ROBO1: variants seen among roughly 807,000 people sequenced by gnomAD.
ROBO1 encodes the protein roundabout homolog 1.
A neutral mutation model predicts 195.9 loss-of-function variants in ROBO1; 149 were observed. The observed-to-expected ratio is 0.76, with a 90% CI of 0.67 to 0.87. ROBO1 has a LOEUF of 0.87. Among genes scored for constraint, ROBO1 ranks in the 40% least tolerant of loss-of-function variants. The pLI is 0.00. For missense variants in ROBO1, 1,933 were observed against 2,068.3 expected, an observed-to-expected ratio of 0.93 and a Z score of 1.27; for synonymous variants, 816 against 733.2, an observed-to-expected ratio of 1.11 and a Z score of -1.82.
At chr3:79,119,841 G>C (rs1435064903) in intron 3 of ROBO1, among the ~76,000 whole-genome samples, 1 of 151,700 alleles carries the variant, frequency 6.6e-6, no homozygotes, top group Admixed American at 6.6e-5. Context: ...CATGATCTCA[G>C]CTCACTACAA....
Position 78,800,249 on chromosome 3 carries a change from G to A in ROBO1, c.500-53349C>T, listed in dbSNP as rs115426706. ...TAGATTTAGAAAGCAGCCCAGAAACGAAAAAATAACAACAAGATAACTAAG... is the reference window on the plus strand; with the variant it reads ...TAGATTTAGAAAGCAGCCCAGAAACAAAAAAATAACAACAAGATAACTAAG... On this transcript the variant is annotated intron_variant, in intron 4 of 30. Transcript: ENST00000464233. Among the ~76,000 whole-genome samples, 890 of 152,040 alleles carry A rather than the reference G, an allele frequency of 5.9e-3. 5 individuals are homozygous for A. Among genetic ancestry groups the A allele is most frequent in the Non-Finnish European group, 9.5e-3 (644 of 67,958 alleles).
chr3:79,377,673 T>C (rs1299947154), intron 2 of ROBO1, among the ~76,000 whole-genome samples: 2 of 152,170 alleles, frequency 1.3e-5, no homozygotes, highest in African/African-American at 2.4e-5. Flanking sequence ...TCGTAATTCA[T>C]CAGAGTTTGC....
chr3:78,846,569 T>A (rs1010831579), intron 4 of ROBO1, among the ~76,000 whole-genome samples: 1 of 152,274 alleles, frequency 6.6e-6, no homozygotes, highest in South Asian at 2.1e-4. Context: ...AATATCACTT[T>A]ATAAATAGAA....
At chr3:79,444,676 T>A (rs916294155) in intron 2 of ROBO1, among the ~76,000 whole-genome samples, 1 of 151,896 alleles carries the variant, frequency 6.6e-6, no homozygotes. Context: ...AGAAGCTTGG[T>A]CCAAACTTTA....
At chr3:78,752,835 A>C (rs2108315443) in intron 4 of ROBO1, among the ~76,000 whole-genome samples, 1 of 152,300 alleles carries the variant, frequency 6.6e-6, no homozygotes, top group East Asian at 1.9e-4. Context: ...TAATTTTTAA[A>C]ATTTGACACT....
At chr3:79,207,876 T>C (rs992882928) in intron 2 of ROBO1, among the ~76,000 whole-genome samples, 12 of 152,204 alleles carry the variant, frequency 7.9e-5, no homozygotes, top group South Asian at 4.1e-4. Context: ...GATGTACTTA[T>C]GGCATTCTGG....
At chr3:79,581,574 T>C (rs1434906925) in intron 2 of ROBO1, among the ~76,000 whole-genome samples, 1 of 152,142 alleles carries the variant, frequency 6.6e-6, no homozygotes. Flanking sequence ...TGGCAATTTC[T>C]CTAGTTATTA....
chr3:79,700,345 G>GTGTT (rs1947586244), intron 1 of ROBO1, among the ~76,000 whole-genome samples: 1 of 150,922 alleles, frequency 6.6e-6, no homozygotes, highest in Non-Finnish European at 1.5e-5. Flanking sequence ...GTGTGTGTGT[G>GTGTT]TGTCTTTCTG....
intron 27 of ROBO1, 115 bp downstream of exon 27, chr3:78,617,520 A>AC (rs1704181423): frequency 1.7e-6 from 2 of 1,146,170 alleles, no homozygotes; most frequent in East Asian, 5.3e-5. Context: ...AAAAAAAAAA[A>AC]ACTGTAAGAA....
At chr3:79,170,531 C>T (rs945617935) in intron 2 of ROBO1, among the ~76,000 whole-genome samples, 2 of 151,876 alleles carry the variant, frequency 1.3e-5, no homozygotes, top group African/African-American at 2.4e-5. Flanking sequence ...ATAGCCTTGC[C>T]CCTAAATTTA....
intron 2 of ROBO1, among the ~76,000 whole-genome samples, chr3:79,319,234 T>A (rs1249834937): frequency 6.6e-6 from 1 of 152,186 alleles, no homozygotes; most frequent in African/African-American, 2.4e-5. Flanking sequence ...TTTAATAGGC[T>A]CATGTAGCTA....
chr3:78,820,979 C>T (rs796668502), intron 4 of ROBO1, among the ~76,000 whole-genome samples: 3 of 152,104 alleles, frequency 2.0e-5, no homozygotes, highest in African/African-American at 7.2e-5. Flanking sequence ...TACCAAGAAA[C>T]TTCATCTACC....
intron 10 of ROBO1, among the ~76,000 whole-genome samples, chr3:78,676,817 A>G (rs936278194): frequency 6.6e-6 from 1 of 152,188 alleles, no homozygotes; most frequent in Non-Finnish European, 1.5e-5. Context: ...TTCAGGAAAT[A>G]CAGAGAACGC....
intron 4 of ROBO1, among the ~76,000 whole-genome samples, chr3:78,847,325 T>C (rs2033734816): frequency 6.6e-6 from 1 of 152,166 alleles, no homozygotes. Context: ...GTATCTTACA[T>C]AATAGGGACC....
intron 2 of ROBO1, among the ~76,000 whole-genome samples, chr3:79,312,178 G>T (rs530807282): frequency 3.3e-5 from 5 of 152,216 alleles, no homozygotes; most frequent in African/African-American, 1.2e-4. Flanking sequence ...TACAATGAAG[G>T]TTCAAACAAT....
intron 2 of ROBO1, among the ~76,000 whole-genome samples, chr3:79,165,710 C>T (rs2108678185): frequency 6.6e-6 from 1 of 152,264 alleles, no homozygotes; most frequent in Admixed American, 6.5e-5. Context: ...GCACGATGTG[C>T]ACCAGACCAG....
intron 2 of ROBO1, among the ~76,000 whole-genome samples, chr3:79,189,886 A>G (rs181812535): frequency 2.7e-4 from 41 of 151,854 alleles, no homozygotes; most frequent in Non-Finnish European, 5.2e-4. Context: ...TTGAACAGGT[A>G]CATTAGAACG....
chr3:78,852,445 A>T (rs2034126663), intron 4 of ROBO1, among the ~76,000 whole-genome samples: 1 of 152,168 alleles, frequency 6.6e-6, no homozygotes, highest in Non-Finnish European at 1.5e-5. Context: ...TTAACAGGAG[A>T]CTGGCAATTC....
At chr3:79,691,735 T>A (rs2107084670) in intron 1 of ROBO1, among the ~76,000 whole-genome samples, 2 of 152,040 alleles carry the variant, frequency 1.3e-5, no homozygotes, top group South Asian at 4.1e-4. Flanking sequence ...TTTTAATAAC[T>A]AGCACAAAGT....
Sources: allele counts gnomAD v4.1 joint callset (sites outside exome capture counted in the v4.1 genomes callset), GRCh38; gene constraint gnomAD v4.1.1; transcripts MANE v1.5; gene names NCBI Gene and HGNC (gene_info 2026-07-23, HGNC 2026-07-21).